RUNX3: variants seen among roughly 807,000 people sequenced by gnomAD.
RUNX3 encodes runt-related transcription factor 3.
A neutral mutation model predicts 27.7 loss-of-function variants in RUNX3; 10 were observed. The ratio of observed to expected loss-of-function variants is 0.36; its 90% confidence interval spans 0.22 to 0.61. The LOEUF is 0.61. RUNX3 is among the 20% of genes least tolerant of loss of function. RUNX3 has a pLI of 0.72. For missense variants in RUNX3, 469 were observed against 629.5 expected, an observed-to-expected ratio of 0.75 and a Z score of 2.73; for synonymous variants, 270 against 269.2, an observed-to-expected ratio of 1.00 and a Z score of -0.03.
Position 24,902,507 on chromosome 1 carries a change from C to G in RUNX3, c.863G>C (p.Ser288Thr), listed in dbSNP as rs1348209393. Residue 288 changes from serine (S) to threonine (T), a missense_variant, in exon 5 of 5, where the codon AGC (serine) becomes ACC (threonine). Coordinates refer to ENST00000308873, the MANE Select transcript of RUNX3 (RefSeq NM_004350.3). The surrounding 1 kb of genome is among the most constrained non-coding windows in gnomAD (Gnocchi z 9.2). Reference sequence around the variant, plus strand: ...GCCCGCCACGCTGAGGCTGCTGATGCTCGTGCCCGAGGGCGTGGCGCTGTA... The same window carrying G: ...GCCCGCCACGCTGAGGCTGCTGATGGTCGTGCCCGAGGGCGTGGCGCTGTA... Reference protein sequence around the residue: ...FPYSATPSGTSISSLSVAGMP... With the variant: ...FPYSATPSGTTISSLSVAGMP... 6.3e-7 allele frequency: 1 copy of G among 1,598,454 alleles called. No homozygotes were observed. The highest frequency in any genetic ancestry group is 8.6e-7 in the Non-Finnish European group (1 of 1,168,538).
chr1:24,947,024 T>G (rs924716566), intron 2 of RUNX3, among the ~76,000 whole-genome samples: 2 of 152,202 alleles, frequency 1.3e-5, no homozygotes, highest in African/African-American at 4.8e-5. Flanking sequence ...CTCAGGCCTG[T>G]GTAGACATCA....
chr1:24,958,184 A>G (rs1475913428), intron 2 of RUNX3, among the ~76,000 whole-genome samples: 1 of 152,166 alleles, frequency 6.6e-6, no homozygotes, highest in Non-Finnish European at 1.5e-5. Context: ...GTAGGGCCAC[A>G]GTTGCTCCTC....
chr1:24,915,871 C>T (rs961817088), intron 3 of RUNX3, among the ~76,000 whole-genome samples: 4 of 152,160 alleles, frequency 2.6e-5, no homozygotes, highest in Non-Finnish European at 5.9e-5. Flanking sequence ...GCCCCTCCTG[C>T]TGGGATCCTG....
chr1:24,964,289 C>T (rs540386286), intron 2 of RUNX3, among the ~76,000 whole-genome samples: 67 of 152,356 alleles, frequency 4.4e-4, no homozygotes, highest in Non-Finnish European at 8.5e-4. Context: ...ATCGCCCCCA[C>T]GGCTTACTGT....
intron 2 of RUNX3, among the ~76,000 whole-genome samples, chr1:24,950,728 C>T (rs1258996048): frequency 1.3e-5 from 2 of 152,134 alleles, no homozygotes; most frequent in African/African-American, 4.8e-5. Context: ...GTGCCTGCCC[C>T]TCGCTCAGAA....
At position 24,929,895 on chromosome 1, in the gene RUNX3, G is replaced by T; in HGVS notation, c.-27C>A. 8.0e-7 allele frequency: 1 copy of T among 1,254,178 alleles called. No individual in the cohort carries two copies. Among genetic ancestry groups the T allele is most frequent in the Middle Eastern group, 2.9e-4 (1 of 3,456 alleles). The allele number at this position is 1,254,178 out of a possible 1,614,324, so 77.7% of individuals were successfully genotyped here. ...ACAGCGGCCGTCAGGGCGCCGGGCA[G>T]GCGGAGACGGCGCGGCTTCCCCCGG... On this transcript the variant is annotated 5_prime_UTR_variant, in exon 1 of 5. It adds an upstream start codon to the 5' untranslated region. Transcript: ENST00000308873.
intron 2 of RUNX3, among the ~76,000 whole-genome samples, chr1:24,941,923 G>C (rs1169501952): frequency 3.3e-5 from 5 of 152,206 alleles, no homozygotes; most frequent in African/African-American, 1.2e-4. Context: ...TTTGCTGTTG[G>C]CATAAGTTTC....
At chr1:24,910,914 C>G (rs190267556) in intron 3 of RUNX3, among the ~76,000 whole-genome samples, 13 of 152,262 alleles carry the variant, frequency 8.5e-5, no homozygotes, top group Non-Finnish European at 1.5e-4. Flanking sequence ...GGGCAAGTCA[C>G]GTGAACGAGG....
chr1:24,937,797 A>G (rs1027871680), intron 2 of RUNX3, among the ~76,000 whole-genome samples: 3 of 152,224 alleles, frequency 2.0e-5, no homozygotes, highest in African/African-American at 7.2e-5. Context: ...GCCTGGATCC[A>G]TAGGGCTGGG....
In RUNX3 at chr1:24,904,666, A is replaced by G. The variant is rs1002774334; in HGVS notation, c.704-2000T>C. Among the ~76,000 whole-genome samples, 1 of 152,158 alleles carries G rather than the reference A, an allele frequency of 6.6e-6. No homozygotes were observed. The highest frequency in any genetic ancestry group is 1.5e-5 in the Non-Finnish European group (1 of 68,002). On this transcript the variant is annotated intron_variant, in intron 4 of 4. Coordinates refer to ENST00000308873, the MANE Select transcript of RUNX3 (RefSeq NM_004350.3). This position sits in a 1 kb window ranked among gnomAD's most constrained non-coding sequence, Gnocchi z 5.7. The stretch of plus-strand genomic sequence containing the variant: ...GACGAAGGAAACAAATGGGGACCGC[A>G]GGATACAACGGCAGGACTGTGCCCC...
chr1:24,912,176 C>T (rs891668526), intron 3 of RUNX3, among the ~76,000 whole-genome samples: 9 of 152,226 alleles, frequency 5.9e-5, no homozygotes, highest in Non-Finnish European at 1.0e-4. Flanking sequence ...TAACCCACTC[C>T]GTCACCTTGG....
chr1:24,913,441 G>GTGT (rs1640831754), intron 3 of RUNX3, among the ~76,000 whole-genome samples: 2 of 152,202 alleles, frequency 1.3e-5, no homozygotes, highest in African/African-American at 4.8e-5. Flanking sequence ...TGCAAAATGG[G>GTGT]GATCACACCT....
intron 2 of RUNX3, among the ~76,000 whole-genome samples, chr1:24,957,367 TCC>T (rs1238800133): frequency 2.0e-5 from 3 of 152,110 alleles, no homozygotes; most frequent in Non-Finnish European, 4.4e-5. Flanking sequence ...CATCCATCCA[TCC>T]ATCCATCCAT....
At chr1:24,932,573 G>T (rs914411967), upstream of RUNX3, among the ~76,000 whole-genome samples, 4 of 152,218 alleles carry the variant, frequency 2.6e-5, no homozygotes, top group Admixed American at 6.5e-5. Flanking sequence ...CGATGGCTTT[G>T]TGTCAAACCA....
intron 1 of RUNX3, among the ~76,000 whole-genome samples, chr1:24,928,568 C>A (rs1262851290): frequency 6.6e-6 from 1 of 152,232 alleles, no homozygotes; most frequent in Non-Finnish European, 1.5e-5. Context: ...TGTTTGGGAT[C>A]TGATTAAGAA....
intron 3 of RUNX3, among the ~76,000 whole-genome samples, chr1:24,918,368 T>A (rs1179312410): frequency 6.6e-6 from 1 of 152,168 alleles, no homozygotes; most frequent in African/African-American, 2.4e-5. Flanking sequence ...AGGCCTGGAT[T>A]CTCTCCTCAC....
chr1:24,935,572 A>C (rs577608841), intron 2 of RUNX3, among the ~76,000 whole-genome samples: 80 of 152,224 alleles, frequency 5.3e-4, no homozygotes, highest in African/African-American at 1.5e-3. Flanking sequence ...AGAGCAGAAA[A>C]ACCGTCTCCA....
chr1:24,903,411 A>G (rs898651901), intron 4 of RUNX3, among the ~76,000 whole-genome samples: 2 of 152,200 alleles, frequency 1.3e-5, no homozygotes, highest in African/African-American at 4.8e-5. Flanking sequence ...CCTTGGCAGC[A>G]AAGTGAGACA....
rs1354463680 is a variant in RUNX3, at chr1:24,904,374, T to A, written c.704-1708A>T. On this transcript the variant is annotated intron_variant, in intron 4 of 4. Coordinates refer to ENST00000308873, the MANE Select transcript of RUNX3 (RefSeq NM_004350.3). The surrounding 1 kb of genome is among the most constrained non-coding windows in gnomAD (Gnocchi z 5.7). ...GCCCTGGGCGTGGATCCGAACGGAG[T>A]GATGCTCCTGGCTTAAGGTAAGAAG... 1.3e-5 allele frequency among the ~76,000 whole-genome samples: 2 copies of A among 151,956 alleles called. No homozygotes were observed. Among genetic ancestry groups the A allele is most frequent in the African/African-American group, 2.4e-5 (1 of 41,362 alleles).
Sources: gnomAD v4.1 joint callset for allele counts (sites outside exome capture counted in the v4.1 genomes callset) on GRCh38, gnomAD v4.1.1 for gene constraint, Gnocchi (gnomAD v3.1) non-coding constraint, MANE v1.5 for transcripts, NCBI Gene and HGNC (gene_info 2026-07-23, HGNC 2026-07-21) for gene names.